Variants in GRIK3 observed in about 807,000 individuals in gnomAD.
GRIK3 encodes glutamate ionotropic receptor kainate type subunit 3.
Under a neutral mutation model 102.5 loss-of-function variants are expected in GRIK3, and 29 were observed. The observed-to-expected ratio is 0.28, with a 90% confidence interval of 0.21 to 0.39. The LOEUF is 0.39. Among genes scored for constraint, GRIK3 ranks in the 10% least tolerant of loss-of-function variants. GRIK3 has a pLI of 1.00. For synonymous variants in GRIK3, 511 were observed against 504.9 expected, an observed-to-expected ratio of 1.01 and a Z score of -0.16; for missense variants, 908 against 1,252.4, an observed-to-expected ratio of 0.73 and a Z score of 4.15.
intron 1 of GRIK3, among the ~76,000 whole-genome samples, chr1:36,998,552 G>A (rs751230041): frequency 2.0e-5 from 3 of 152,190 alleles, no homozygotes; most frequent in Non-Finnish European, 4.4e-5. Context: ...TGACAGCAGC[G>A]TCTTCTTCAC....
chr1:36,927,329 T>C (rs560962827), intron 1 of GRIK3, among the ~76,000 whole-genome samples: 21 of 152,348 alleles, frequency 1.4e-4, no homozygotes, highest in Admixed American at 1.2e-3. Flanking sequence ...GTGGAAAAGA[T>C]GCATTGAATA....
chr1:36,959,777 TG>T (rs1412936527), intron 1 of GRIK3, among the ~76,000 whole-genome samples: 4 of 130,294 alleles, frequency 3.1e-5, no homozygotes, highest in African/African-American at 1.1e-4. Flanking sequence ...TGTGAGCCTG[TG>T]TGCCCTGTGA....
intron 6 of GRIK3, 40 bp downstream of exon 6, chr1:36,859,804 G>C: frequency 6.7e-7 from 1 of 1,501,398 alleles, no homozygotes; most frequent in Non-Finnish European, 9.3e-7. Flanking sequence ...AGGGAGGCAG[G>C]TGGGAAGCCC....
At chr1:37,002,677 T>A (rs558467013) in intron 1 of GRIK3, among the ~76,000 whole-genome samples, 5,364 of 151,298 alleles carry the variant, frequency 0.035, 322 homozygotes, top group African/African-American at 0.12. Context: ...TTTCTTTTTT[T>A]TTTTTTTTTT....
chr1:36,927,038 G>A (rs1189170673), intron 1 of GRIK3, among the ~76,000 whole-genome samples: 1 of 152,196 alleles, frequency 6.6e-6, no homozygotes, highest in African/African-American at 2.4e-5. Context: ...GCTAAGCAAG[G>A]AAAACATACA....
chr1:36,855,183 G>A (rs560970824), intron 7 of GRIK3, among the ~76,000 whole-genome samples: 2 of 152,302 alleles, frequency 1.3e-5, no homozygotes, highest in African/African-American at 4.8e-5. Flanking sequence ...CCGGAGAAGA[G>A]GCACGGGGCA....
At chr1:36,817,018 G>A (rs1211717542) in intron 13 of GRIK3, 42 bp downstream of exon 13, 1 of 1,385,594 alleles carries the variant, frequency 7.2e-7, no homozygotes, top group East Asian at 2.3e-5. Context: ...GGTCCGGAGA[G>A]GATCAGCTCA....
chr1:36,814,655 GATTC>G (rs1642604096), intron 13 of GRIK3, among the ~76,000 whole-genome samples: 1 of 151,340 alleles, frequency 6.6e-6, no homozygotes, highest in African/African-American at 2.4e-5. Context: ...CACACACTCA[GATTC>G]ATGCATGCAT....
chr1:36,819,869 G>T lies in GRIK3; in HGVS notation c.1755-15C>A. ...AAGGGCTGAACCTGCCACAGGAGGA[G>T]AGGGACAGTCAGCCTGGGAAGCAAG... On this transcript the variant is annotated splice_polypyrimidine_tract_variant and intron_variant, in intron 11 of 15. Coordinates refer to ENST00000373091, the MANE Select transcript of GRIK3 (RefSeq NM_000831.4). This position sits in a 1 kb window ranked among gnomAD's most constrained non-coding sequence, Gnocchi z 4.1. 7.3e-7 allele frequency: 1 copy of T among 1,377,442 alleles called. No individual in the cohort carries two copies. Among genetic ancestry groups the T allele is most frequent in the Non-Finnish European group, 1.0e-6 (1 of 975,642 alleles). The allele number at this position is 1,377,442 out of a possible 1,614,324, so 85.3% of individuals were successfully genotyped here. A position where few individuals can be genotyped will look rare whatever the true frequency, so the allele number is the denominator to read the frequency against.
chr1:37,010,843 G>A (rs1311473179), intron 1 of GRIK3, among the ~76,000 whole-genome samples: 1 of 148,264 alleles, frequency 6.7e-6, no homozygotes, highest in Admixed American at 6.9e-5. Flanking sequence ...CCGGGTTCAC[G>A]CCATTCTCCT....
intron 13 of GRIK3, among the ~76,000 whole-genome samples, chr1:36,810,722 C>CT (rs1642551787): frequency 6.6e-6 from 1 of 152,218 alleles, no homozygotes; most frequent in Non-Finnish European, 1.5e-5. Flanking sequence ...TTTCTTATCT[C>CT]TGAGTGTGGA....
At chr1:36,980,624 G>T (rs1642239576) in intron 1 of GRIK3, among the ~76,000 whole-genome samples, 1 of 151,934 alleles carries the variant, frequency 6.6e-6, no homozygotes, top group Non-Finnish European at 1.5e-5. Context: ...GATGCTGCAG[G>T]CCTGGGCAGT....
rs1557694087 is a variant in GRIK3 at position 36,825,647 on chromosome 1, G to A, written c.1710C>T (p.Leu570=). Residue 570 remains leucine (L), a synonymous_variant, in exon 11 of 16, where the codon CTC becomes CTT. Coordinates refer to ENST00000373091, the MANE Select transcript of GRIK3 (RefSeq NM_000831.4). ...CACAGCTGACCCCCAGGTAGGCGAG[G>A]AGAACATACATCCAGATGTCTGGGG... ...PLSPDIWMYV[L]LAYLGVSCVL... The A allele has an allele frequency of 6.2e-7, 1 of 1,609,230 alleles. No homozygotes were observed. The highest frequency in any genetic ancestry group is 8.5e-7 in the Non-Finnish European group (1 of 1,177,898).
intron 1 of GRIK3, among the ~76,000 whole-genome samples, chr1:36,945,925 C>T (rs1641779170): frequency 6.6e-6 from 1 of 152,184 alleles, no homozygotes; most frequent in Non-Finnish European, 1.5e-5. Flanking sequence ...CAAGGGGGAC[C>T]TACGTTCTGG....
intron 2 of GRIK3, among the ~76,000 whole-genome samples, chr1:36,887,307 A>G (rs1641048147): frequency 6.6e-6 from 1 of 152,240 alleles, no homozygotes; most frequent in Non-Finnish European, 1.5e-5. Context: ...CACAAAATAC[A>G]TTAACCATAA....
chr1:36,955,958 G>A (rs2124339693), intron 1 of GRIK3, among the ~76,000 whole-genome samples: 1 of 152,358 alleles, frequency 6.6e-6, no homozygotes, highest in South Asian at 2.1e-4. Context: ...CAGATTCTCA[G>A]AACTGGTAGG....
chr1:36,845,729 G>T (rs1040140063), intron 9 of GRIK3, among the ~76,000 whole-genome samples: 2 of 152,200 alleles, frequency 1.3e-5, no homozygotes, highest in Non-Finnish European at 1.5e-5. Flanking sequence ...CCTTGGACCT[G>T]AGGCCTTGGC....
intron 9 of GRIK3, 106 bp from the exon 10 acceptor site, chr1:36,842,045 C>T (rs188301158): frequency 1.3e-5 from 12 of 935,774 alleles, no homozygotes; most frequent in African/African-American, 1.1e-4. Flanking sequence ...TTTTTATAAA[C>T]CCCTTGGAGT....
intron 13 of GRIK3, among the ~76,000 whole-genome samples, chr1:36,809,061 T>C (rs948522410): frequency 1.3e-5 from 2 of 152,172 alleles, no homozygotes; most frequent in African/African-American, 4.8e-5. Flanking sequence ...GTTCTCCCTC[T>C]ACTACTAGAG....
Sources: gnomAD v4.1 joint callset for allele counts (sites outside exome capture counted in the v4.1 genomes callset) on GRCh38, gnomAD v4.1.1 for gene constraint, Gnocchi (gnomAD v3.1) non-coding constraint, MANE v1.5 for transcripts, NCBI Gene and HGNC (gene_info 2026-07-23, HGNC 2026-07-21) for gene names.